DCAF8L2: variants seen among roughly 807,000 people sequenced by gnomAD.
DCAF8L2 encodes the protein DDB1 and CUL4 associated factor 8 like 2.
For missense variants in DCAF8L2, 430 were observed against 490.7 expected, an observed-to-expected ratio of 0.88 and a Z score of 1.17; for synonymous variants, 200 against 190.9, an observed-to-expected ratio of 1.05 and a Z score of -0.39.
At chrX:27,744,038 A>G (rs970990410) in intron 4 of DCAF8L2, among the ~76,000 whole-genome samples, 11 of 111,293 alleles carry the variant, frequency 9.9e-5, no homozygotes, top group Non-Finnish European at 1.9e-4. Context: ...TGGCCTGTTT[A>G]CAAATATTAA....
At chrX:27,534,676 C>G in the DCAF8L2 span, among the ~76,000 whole-genome samples, 1 of 112,279 alleles carries the variant, frequency 8.9e-6, no homozygotes, top group African/African-American at 3.2e-5. Flanking sequence ...ATTAGAAGCA[C>G]TTCTTCAGGC....
chrX:27,572,804 C>T, the DCAF8L2 span, among the ~76,000 whole-genome samples: 4 of 111,668 alleles, frequency 3.6e-5, no homozygotes, highest in Non-Finnish European at 5.6e-5. Flanking sequence ...TCTTCTTTCT[C>T]CGTGGCTTGT....
intron 3 of DCAF8L2, chrX:27,712,556 A>G (rs1931564239): frequency 9.0e-6 from 1 of 111,518 alleles, no homozygotes; most frequent in Non-Finnish European, 1.9e-5. Context: ...TTTTCCTTCC[A>G]GGGTTCTGTG....
At chrX:27,671,662 C>A (rs764571666) in intron 2 of DCAF8L2, among the ~76,000 whole-genome samples, 7 of 111,589 alleles carry the variant, frequency 6.3e-5, no homozygotes, top group Non-Finnish European at 9.4e-5. Flanking sequence ...GAAGGAGAAC[C>A]AAGAGACAGA....
At chrX:27,563,144 G>A in the DCAF8L2 span, among the ~76,000 whole-genome samples, 2 of 110,721 alleles carry the variant, frequency 1.8e-5, no homozygotes, top group Non-Finnish European at 3.8e-5. Context: ...ACAAATAGAA[G>A]TACGAACTGG....
intron 3 of DCAF8L2, among the ~76,000 whole-genome samples, chrX:27,693,177 T>C (rs1436547189): frequency 1.8e-5 from 2 of 111,324 alleles, no homozygotes; most frequent in East Asian, 5.6e-4. Flanking sequence ...AAGGATATTT[T>C]TGAAGCTGCT....
At chrX:27,743,327 T>C (rs918180254) in intron 4 of DCAF8L2, among the ~76,000 whole-genome samples, 1 of 111,317 alleles carries the variant, frequency 9.0e-6, no homozygotes, top group Non-Finnish European at 1.9e-5. Context: ...CCATCAGAAT[T>C]CTCCCACCCT....
At chrX:27,536,368 G>A in the DCAF8L2 span, among the ~76,000 whole-genome samples, 1 of 112,564 alleles carries the variant, frequency 8.9e-6, no homozygotes, top group South Asian at 3.6e-4. Flanking sequence ...TTGAAACTAA[G>A]AGTTAAAATA....
In DCAF8L2 at chrX:27,748,235, A is replaced by G; in HGVS notation, c.1340A>G (p.Tyr447Cys). The G allele has an allele frequency of 8.3e-7, 1 of 1,211,831 alleles. No individual in the cohort carries two copies. Among genetic ancestry groups the G allele is most frequent in the Non-Finnish European group, 1.1e-6 (1 of 895,381 alleles). Reference sequence around the variant, plus strand: ...GCCAGCTACAATGATGACGATATTTACCTCTTCAACTCCTCTCACAGTGAT... The same window carrying G: ...GCCAGCTACAATGATGACGATATTTGCCTCTTCAACTCCTCTCACAGTGAT... ...LLASYNDDDI[Y>C]LFNSSHSDGA... Residue 447 changes from tyrosine to cysteine, a missense_variant, in exon 5 of 5, where the codon TAC becomes TGC. Transcript: ENST00000451261.
In DCAF8L2 at chrX:27,590,991, T is replaced by TTATATATA. The variant is rs10571931; in HGVS notation, c.-342+568_-342+575dup. Among the ~76,000 whole-genome samples, 377 of 68,044 alleles carry TTATATATA rather than the reference T, an allele frequency of 5.5e-3. 7 individuals carry two copies. The highest frequency in any genetic ancestry group is 0.016 in the South Asian group (14 of 860). The allele number at this position is 68,044 out of a possible 115,157, so 59.1% of individuals were successfully genotyped here. On this transcript the variant is annotated intron_variant, in intron 1 of 4. Coordinates refer to ENST00000451261, the MANE Select transcript of DCAF8L2 (RefSeq NM_001353450.2). ...AAATGTTTATAAAAGCCTTTACATTTTATATATATATATATATATATATAA... is the reference window on the plus strand; with the variant it reads ...AAATGTTTATAAAAGCCTTTACATTTTATATATATATATATATATATATATATATATAA...
intron 2 of DCAF8L2, among the ~76,000 whole-genome samples, chrX:27,675,455 G>A (rs1161885558): frequency 8.9e-6 from 1 of 112,255 alleles, no homozygotes; most frequent in East Asian, 2.8e-4. Context: ...ACAAAGGAAG[G>A]TGTAATGTAT....
At chrX:27,637,512 A>T (rs1928550496) in intron 2 of DCAF8L2, among the ~76,000 whole-genome samples, 1 of 111,937 alleles carries the variant, frequency 8.9e-6, no homozygotes, top group African/African-American at 3.3e-5. Context: ...GGACCAGCAC[A>T]CAACTTCAGA....
At chrX:27,602,455 A>G (rs1926693280) in intron 1 of DCAF8L2, among the ~76,000 whole-genome samples, 1 of 111,890 alleles carries the variant, frequency 8.9e-6, no homozygotes, top group Admixed American at 9.6e-5. Context: ...TATATTTGTA[A>G]CACCTAATAT....
chrX:27,474,025 T>A, the DCAF8L2 span, among the ~76,000 whole-genome samples: 2 of 110,421 alleles, frequency 1.8e-5, no homozygotes, highest in African/African-American at 6.6e-5. Flanking sequence ...TCAATTGGAG[T>A]CCCGAGGGTA....
At chrX:27,502,148 C>T in the DCAF8L2 span, among the ~76,000 whole-genome samples, 1 of 102,403 alleles carries the variant, frequency 9.8e-6, no homozygotes, top group South Asian at 4.8e-4. Context: ...AGGTGAAACC[C>T]CTTCTCTACT....
chrX:27,623,679 G>T (rs112629628), intron 1 of DCAF8L2, among the ~76,000 whole-genome samples: 4 of 111,102 alleles, frequency 3.6e-5, no homozygotes, highest in African/African-American at 1.3e-4. Flanking sequence ...AGATTGCATA[G>T]CAGCCCGAGT....
intron 4 of DCAF8L2, among the ~76,000 whole-genome samples, chrX:27,738,034 G>A (rs1921634289): frequency 9.0e-6 from 1 of 111,281 alleles, no homozygotes; most frequent in Non-Finnish European, 1.9e-5. Flanking sequence ...AACCCACCAA[G>A]GCAATCAGAT....
At chrX:27,620,398 T>C (rs758228553) in intron 1 of DCAF8L2, among the ~76,000 whole-genome samples, 1 of 111,858 alleles carries the variant, frequency 8.9e-6, no homozygotes, top group African/African-American at 3.2e-5. Context: ...TTTAAAAATT[T>C]AGTATATCAA....
At chrX:27,652,407 G>A (rs887030926) in intron 2 of DCAF8L2, among the ~76,000 whole-genome samples, 1 of 111,434 alleles carries the variant, frequency 9.0e-6, no homozygotes, top group Non-Finnish European at 1.9e-5. Context: ...CCAGAAGTAG[G>A]ACTCAGTTAC....
Sources: gnomAD v4.1 joint callset for allele counts (sites outside exome capture counted in the v4.1 genomes callset) on GRCh38, gnomAD v4.1.1 for gene constraint, MANE v1.5 for transcripts, NCBI Gene and HGNC (gene_info 2026-07-23, HGNC 2026-07-21) for gene names.